Variants in PDZRN4 observed in about 807,000 individuals in gnomAD.
PDZRN4 encodes PDZ domain containing ring finger 4.
A neutral mutation model predicts 99.0 loss-of-function variants in PDZRN4; 70 were observed. The ratio of observed to expected loss-of-function variants is 0.71; its 90% CI spans 0.58 to 0.86. PDZRN4 has a LOEUF of 0.86. Among genes scored for constraint, PDZRN4 ranks in the 40% least tolerant of loss-of-function variants. The pLI is 0.00. For synonymous variants in PDZRN4, 551 were observed against 501.6 expected (o/e 1.10, Z -1.32); for missense variants, 1,474 against 1,331.2 (o/e 1.11, Z -1.67).
chr12:41,372,975 C>A (rs1952053239), intron 3 of PDZRN4, among the ~76,000 whole-genome samples: 1 of 152,030 alleles, frequency 6.6e-6, no homozygotes, highest in Non-Finnish European at 1.5e-5. Flanking sequence ...AATAAAGGGA[C>A]AGAGTACAAA....
intron 9 of PDZRN4, among the ~76,000 whole-genome samples, chr12:41,569,786 T>C (rs1939443880): frequency 6.6e-6 from 1 of 152,248 alleles, no homozygotes; most frequent in Non-Finnish European, 1.5e-5. Flanking sequence ...GATATACTCA[T>C]GTGCTCATTA....
intron 3 of PDZRN4, among the ~76,000 whole-genome samples, chr12:41,290,209 A>AT (rs1163516527): frequency 2.0e-5 from 3 of 152,220 alleles, no homozygotes; most frequent in African/African-American, 7.2e-5. Context: ...GCTAACATGC[A>AT]TTGTTTCTAC....
At chr12:41,235,732 A>C (rs1427003463) in intron 3 of PDZRN4, among the ~76,000 whole-genome samples, 2 of 152,196 alleles carry the variant, frequency 1.3e-5, no homozygotes, top group African/African-American at 2.4e-5. Flanking sequence ...CGCGGGCCTC[A>C]GGGGCCATTT....
intron 3 of PDZRN4, among the ~76,000 whole-genome samples, chr12:41,450,813 A>G (rs1952768466): frequency 6.6e-6 from 1 of 152,158 alleles, no homozygotes; most frequent in African/African-American, 2.4e-5. Flanking sequence ...CTTTACTTTC[A>G]GCTACGTGGG....
chr12:41,433,180 T>G (rs1952599567), intron 3 of PDZRN4, among the ~76,000 whole-genome samples: 1 of 152,218 alleles, frequency 6.6e-6, no homozygotes, highest in Non-Finnish European at 1.5e-5. Context: ...CTTTGAAAAT[T>G]TATTCTCTTT....
chr12:41,272,316 A>C (rs926968441), intron 3 of PDZRN4, among the ~76,000 whole-genome samples: 1 of 152,122 alleles, frequency 6.6e-6, no homozygotes, highest in Non-Finnish European at 1.5e-5. Context: ...TGGTTATGAA[A>C]ATTTCTAACT....
At chr12:41,483,040 G>T (rs1409100142) in intron 3 of PDZRN4, among the ~76,000 whole-genome samples, 1 of 151,730 alleles carries the variant, frequency 6.6e-6, no homozygotes, top group Non-Finnish European at 1.5e-5. Context: ...TATATTACAT[G>T]TGGCATTTGA....
intron 5 of PDZRN4, among the ~76,000 whole-genome samples, chr12:41,548,608 G>A (rs1938998459): frequency 1.3e-5 from 2 of 152,146 alleles, no homozygotes; most frequent in Non-Finnish European, 2.9e-5. Context: ...ATTTTCTTAC[G>A]AAGAGGAAAA....
chr12:41,191,599 C>CA, intron 2 of PDZRN4, 55 bp downstream of exon 2: 1 of 820,704 alleles, frequency 1.2e-6, no homozygotes, highest in Non-Finnish European at 2.1e-6. Flanking sequence ...CATTAATAAG[C>CA]ATTACTCATT....
chr12:41,358,621 T>A (rs1022629795), intron 3 of PDZRN4, among the ~76,000 whole-genome samples: 1 of 152,032 alleles, frequency 6.6e-6, no homozygotes, highest in African/African-American at 2.4e-5. Flanking sequence ...TACCTTGAAC[T>A]AATCTGAGTG....
In PDZRN4 at chr12:41,395,323, T is replaced by G. The variant is rs545436084; in HGVS notation, c.844-111133T>G. Among the ~76,000 whole-genome samples the G allele has an allele frequency of 2.6e-5, 4 of 152,318 alleles. No homozygotes were observed. The South Asian group carries it at 8.3e-4, about 32-fold the overall frequency. Reference sequence around the variant, plus strand: ...ATATTGTAATTGATATAGACATTCCTGTTTAAAAATGGGAGAAATGGGAGA... The same window carrying G: ...ATATTGTAATTGATATAGACATTCCGGTTTAAAAATGGGAGAAATGGGAGA... On this transcript the variant is annotated intron_variant, in intron 3 of 9. Transcript: ENST00000402685.
chr12:41,465,819 C>T (rs1952919042), intron 3 of PDZRN4, among the ~76,000 whole-genome samples: 1 of 152,052 alleles, frequency 6.6e-6, no homozygotes, highest in Non-Finnish European at 1.5e-5. Flanking sequence ...AGAGTTTCAC[C>T]CAGTGATACT....
rs781261642 is a variant in PDZRN4 at position 41,572,563 on chromosome 12, T to C, written c.1784T>C (p.Leu595Pro). The change falls in exon 10 of 10, where the codon CTG becomes CCG. Residue 595 changes from leucine (L) to proline (P), a missense_variant. Leu to Pro is a moderately conservative substitution (Grantham distance 98, BLOSUM62 -3). Coordinates refer to ENST00000402685, the MANE Select transcript of PDZRN4 (RefSeq NM_001164595.2). ...GACCTGGGGCAGAGCCAAGACACTC[T>C]GGGAAGTGTTGAACTTCAGTACAAT... is the stretch of plus-strand genomic sequence containing the variant. ...KRDLGQSQDT[L>P]GSVELQYNES... 4.3e-6 allele frequency: 7 copies of C among 1,614,108 alleles called. No individual in the cohort carries two copies. In the South Asian group the frequency reaches 6.6e-5, roughly 15 times the overall value.
In PDZRN4 at chr12:41,188,972, G is replaced by C; in HGVS notation, c.517G>C (p.Ala173Pro). 2 of 1,478,738 alleles carry C rather than the reference G, an allele frequency of 1.4e-6. No individual in the cohort carries two copies. The highest frequency in any genetic ancestry group is 1.8e-6 in the Non-Finnish European group (2 of 1,116,830). 91.6% of individuals were successfully genotyped at this position (1,478,738 alleles called of 1,614,324 possible). Residue 173 changes from alanine to proline, a missense_variant, in exon 1 of 10, where the codon GCG becomes CCG. Ala to Pro is a conservative substitution (Grantham distance 27). Coordinates refer to ENST00000402685, the MANE Select transcript of PDZRN4 (RefSeq NM_001164595.2). Reference sequence around the variant, plus strand: ...CCTCGCCTGGAGGCGGCGCGAGAAGGCGCTGCTGGCGCAGCTCTGGGCGCT... The same window carrying C: ...CCTCGCCTGGAGGCGGCGCGAGAAGCCGCTGCTGGCGCAGCTCTGGGCGCT... ...RVLAWRRREK[A>P]LLAQLWALQG...
At chr12:41,470,620 T>G (rs1250078880) in intron 3 of PDZRN4, among the ~76,000 whole-genome samples, 1 of 152,142 alleles carries the variant, frequency 6.6e-6, no homozygotes, top group Admixed American at 6.5e-5. Context: ...CATTTAGCAT[T>G]AGGTTTATCT....
intron 3 of PDZRN4, among the ~76,000 whole-genome samples, chr12:41,237,573 T>C (rs1417047731): frequency 2.0e-5 from 3 of 152,162 alleles, no homozygotes; most frequent in African/African-American, 7.2e-5. Context: ...ATTGCCTAGA[T>C]TTTCTTCTAG....
intron 3 of PDZRN4, among the ~76,000 whole-genome samples, chr12:41,480,932 A>C (rs1219514393): frequency 1.3e-5 from 2 of 152,124 alleles, no homozygotes; most frequent in Non-Finnish European, 2.9e-5. Flanking sequence ...CATGTCAGAT[A>C]AATTAAGTAT....
chr12:41,285,582 A>G lies in PDZRN4; in HGVS notation c.843+91394A>G, dbSNP rs191652025. On this transcript the variant is annotated intron_variant, in intron 3 of 9. Transcript: ENST00000402685. ...TATGTTTATTGCAGCACTGTTCACA[A>G]TAGCAAAGAGTTGGAACCAACCAAA... Among the ~76,000 whole-genome samples, 146 of 152,330 alleles carry G rather than the reference A, an allele frequency of 9.6e-4. 1 individual carries two copies. The highest frequency in any genetic ancestry group is 3.4e-3 in the African/African-American group (142 of 41,562).
intron 3 of PDZRN4, among the ~76,000 whole-genome samples, chr12:41,213,649 A>G (rs1452048394): frequency 6.6e-6 from 1 of 152,090 alleles, no homozygotes; most frequent in Non-Finnish European, 1.5e-5. Context: ...CAGAACAACA[A>G]CAAAATAAGG....
Sources: allele counts gnomAD v4.1 joint callset (sites outside exome capture counted in the v4.1 genomes callset), GRCh38; gene constraint gnomAD v4.1.1; transcripts MANE v1.5; gene names NCBI Gene and HGNC (gene_info 2026-07-23, HGNC 2026-07-21).